Variants in RAB3GAP2 observed in about 807,000 individuals in gnomAD.
RAB3GAP2 encodes RAB3 GTPase activating non-catalytic protein subunit 2.
A neutral mutation model predicts 185.3 loss-of-function variants in RAB3GAP2; 87 were observed. The observed-to-expected ratio is 0.47, with a 90% CI of 0.39 to 0.56. The LOEUF (loss-of-function observed/expected upper bound fraction) is 0.56, where lower values mean the gene tolerates loss of function less well. Ranked by LOEUF, RAB3GAP2 falls within the 20% of genes least tolerant of loss-of-function variation. The probability of loss-of-function intolerance (pLI) is 0.00; values close to 1 mark genes in which losing one functional copy is unlikely to be tolerated. For missense variants in RAB3GAP2, 1,492 were observed against 1,638.2 expected, an observed-to-expected ratio of 0.91 and a Z score of 1.54; for synonymous variants, 554 against 576.1, an observed-to-expected ratio of 0.96 and a Z score of 0.55.
intron 9 of RAB3GAP2, among the ~76,000 whole-genome samples, chr1:220,201,135 C>T (rs950553106): frequency 3.9e-5 from 6 of 152,210 alleles, no homozygotes; most frequent in African/African-American, 1.4e-4. Flanking sequence ...TCTATACCCT[C>T]AGTACCTAAC....
chr1:220,191,043 C>T (rs1415943229), intron 14 of RAB3GAP2, 25 bp downstream of exon 14: 1 of 1,583,096 alleles, frequency 6.3e-7, no homozygotes, highest in Admixed American at 1.7e-5. Context: ...TTGTAACCAG[C>T]ACAATGCCAG....
At chr1:220,251,218 T>C (rs1659924153) in intron 1 of RAB3GAP2, among the ~76,000 whole-genome samples, 1 of 152,234 alleles carries the variant, frequency 6.6e-6, no homozygotes, top group Non-Finnish European at 1.5e-5. Context: ...GTTTCCACCT[T>C]AGATTTCACA....
At chr1:220,200,121 C>T (rs910700454) in intron 9 of RAB3GAP2, among the ~76,000 whole-genome samples, 1 of 152,204 alleles carries the variant, frequency 6.6e-6, no homozygotes, top group Non-Finnish European at 1.5e-5. Flanking sequence ...GTCACACCAA[C>T]CCCCTTTCTG....
chr1:220,157,173 C>A, intron 31 of RAB3GAP2, 97 bp downstream of exon 31: 1 of 1,089,684 alleles, frequency 9.2e-7, no homozygotes, highest in Non-Finnish European at 1.4e-6. Flanking sequence ...TTATACCAGT[C>A]ACAAAAGTAC....
chr1:220,189,662 A>AT (rs1558149423), intron 17 of RAB3GAP2, 41 bp downstream of exon 17: 21 of 1,530,138 alleles, frequency 1.4e-5, no homozygotes, highest in Non-Finnish European at 1.8e-5. Flanking sequence ...AGGATGTATT[A>AT]TAGCTACTAG....
chr1:220,216,205 A>G (rs1466522269), intron 2 of RAB3GAP2, among the ~76,000 whole-genome samples: 1 of 152,180 alleles, frequency 6.6e-6, no homozygotes, highest in Non-Finnish European at 1.5e-5. Context: ...AAAATAAGCT[A>G]AGGAGGCTGC....
At chr1:220,174,019 C>CAAAAAAAAAA (rs398050108) in intron 21 of RAB3GAP2, among the ~76,000 whole-genome samples, 16 of 50,654 alleles carry the variant, frequency 3.2e-4, no homozygotes, top group East Asian at 1.2e-3. Context: ...GACTCTGTCT[C>CAAAAAAAAAA]AAAAAAAAAA....
chr1:220,162,395 T>C (rs1382851588), intron 27 of RAB3GAP2, 127 bp from the exon 28 acceptor site: 16 of 658,668 alleles, frequency 2.4e-5, no homozygotes, highest in Non-Finnish European at 3.2e-5. Context: ...ATATCTCATG[T>C]AATATTTATA....
intron 1 of RAB3GAP2, among the ~76,000 whole-genome samples, chr1:220,245,606 T>C (rs1291694800): frequency 6.6e-6 from 1 of 151,974 alleles, no homozygotes; most frequent in Non-Finnish European, 1.5e-5. Flanking sequence ...CGCCCGCCAT[T>C]GCCCAGGCTT....
intron 1 of RAB3GAP2, among the ~76,000 whole-genome samples, chr1:220,255,962 C>A (rs1047720841): frequency 1.3e-5 from 2 of 152,052 alleles, no homozygotes; most frequent in African/African-American, 4.8e-5. Context: ...GAAGATCAAC[C>A]CCAAGACACA....
At chr1:220,247,566 G>A (rs1318989800) in intron 1 of RAB3GAP2, among the ~76,000 whole-genome samples, 2 of 152,156 alleles carry the variant, frequency 1.3e-5, no homozygotes. Context: ...AAGACATACA[G>A]AGTGATATAA....
At position 220,270,121 on chromosome 1, in the gene RAB3GAP2, C is replaced by T. The variant is rs114365814; in HGVS notation, c.115+2102G>A. On this transcript the variant is annotated intron_variant, in intron 1 of 34. Coordinates refer to ENST00000358951, the MANE Select transcript of RAB3GAP2 (RefSeq NM_012414.4). ...ATTTTTCTATCCTTTTCTTACCTGA[C>T]CCCTGCTGCATTTGCAAAACTGCTG... Among the ~76,000 whole-genome samples, 853 of 152,306 alleles carry T rather than the reference C, an allele frequency of 5.6e-3. 13 individuals carry two copies. Among genetic ancestry groups the T allele is most frequent in the African/African-American group, 0.018 (738 of 41,554 alleles).
intron 1 of RAB3GAP2, among the ~76,000 whole-genome samples, chr1:220,248,810 T>C (rs1459837622): frequency 3.3e-5 from 5 of 152,152 alleles, no homozygotes; most frequent in African/African-American, 1.2e-4. Context: ...GGGGAGGTTC[T>C]CATCATAGTG....
rs56759444 is a variant in RAB3GAP2 at position 220,165,649 on chromosome 1, AAAAC to A, written c.3088-854_3088-851del. On this transcript the variant is annotated intron_variant, in intron 26 of 34. Coordinates refer to ENST00000358951, the MANE Select transcript of RAB3GAP2 (RefSeq NM_012414.4). ...GGGGCAAGATGAATATTTAATGGGAAAAACAAACAAGTAAAACAACAACTTCTTT... is the reference window on the plus strand; with the variant it reads ...GGGGCAAGATGAATATTTAATGGGAAAAACAAGTAAAACAACAACTTCTTT... Among the ~76,000 whole-genome samples the A allele has an allele frequency of 4.7e-3, 718 of 152,342 alleles. 7 individuals carry two copies. Among genetic ancestry groups the A allele is most frequent in the African/African-American group, 0.017 (703 of 41,572 alleles).
intron 1 of RAB3GAP2, among the ~76,000 whole-genome samples, chr1:220,261,579 T>G (rs1013042318): frequency 6.6e-6 from 1 of 152,218 alleles, no homozygotes; most frequent in Non-Finnish European, 1.5e-5. Context: ...GCTCAAATTC[T>G]AATAGTCTCA....
intron 2 of RAB3GAP2, chr1:220,220,280 C>T (rs1659281655): frequency 6.6e-6 from 1 of 152,314 alleles, no homozygotes; most frequent in Non-Finnish European, 1.5e-5. Flanking sequence ...CGTCCCTTCC[C>T]TGCCACTGTG....
Position 220,151,713 on chromosome 1 carries a change from G to A in RAB3GAP2, c.3919C>T (p.Leu1307Phe), listed in dbSNP as rs774400123. The A allele has an allele frequency of 2.0e-5, 32 of 1,611,904 alleles. No individual in the cohort carries two copies. The highest frequency in any genetic ancestry group is 2.7e-5 in the Non-Finnish European group (32 of 1,177,984). The change falls in exon 34 of 35, where the codon CTC becomes TTC. Residue 1307 changes from leucine to phenylalanine, a missense_variant. Physicochemically the swap from Leu to Phe is conservative, Grantham distance 22 (BLOSUM62 0). This residue lies in a region of RAB3GAP2 where 387 missense variants were observed against 455.3 expected (regional missense o/e 0.85). Coordinates refer to ENST00000358951, the MANE Select transcript of RAB3GAP2 (RefSeq NM_012414.4). The part of the protein sequence containing the change: ...KEVLASQLLV[L>F]TGQRLAHALL... ...GCATGAGCCAGCCTTTGCCCCGTGA[G>A]CACCAGCAGCTGAGAGGCAAGGACC...
At position 220,167,667 on chromosome 1, in the gene RAB3GAP2, C is replaced by A. The variant is rs1658095525; in HGVS notation, c.2815G>T (p.Ala939Ser). The change falls in exon 25 of 35, where the codon GCA (alanine) becomes TCA (serine). Residue 939 changes from alanine to serine, a missense_variant. This residue lies in a region of RAB3GAP2 where 681 missense variants were observed against 689.1 expected (regional missense o/e 0.99). Coordinates refer to ENST00000358951, the MANE Select transcript of RAB3GAP2 (RefSeq NM_012414.4). ...AATATCCACTTGGCTACACTGTCTGCAATGCCACCTATAGTTTGGAGACAA... is the reference window on the plus strand; with the variant it reads ...AATATCCACTTGGCTACACTGTCTGAAATGCCACCTATAGTTTGGAGACAA... ...KLLEGGKGGI[A>S]DSVAKWIFKQ... 1 of 1,613,720 alleles carries A rather than the reference C, an allele frequency of 6.2e-7. No individual in the cohort carries two copies. The highest frequency in any genetic ancestry group is 8.5e-7 in the Non-Finnish European group (1 of 1,179,918).
chr1:220,190,734 C>G (rs1658600019), intron 14 of RAB3GAP2, among the ~76,000 whole-genome samples: 1 of 151,912 alleles, frequency 6.6e-6, no homozygotes, highest in South Asian at 2.1e-4. Flanking sequence ...TGAACACAAT[C>G]AGGCCCCTGT....
Sources: allele counts gnomAD v4.1 joint callset (sites outside exome capture counted in the v4.1 genomes callset), GRCh38; gene constraint gnomAD v4.1.1; regional missense constraint gnomAD v4.1.1; transcripts MANE v1.5; gene names NCBI Gene and HGNC (gene_info 2026-07-23, HGNC 2026-07-21).